DTNA: variants seen among roughly 807,000 people sequenced by gnomAD.
DTNA encodes dystrobrevin alpha, also known as dystrophin-related protein 3.
DTNA carries 43 observed loss-of-function variants against 100.7 expected under a neutral mutation model. The ratio of observed to expected loss-of-function variants is 0.43; its 90% confidence interval spans 0.33 to 0.55. The LOEUF is 0.55. Among genes scored for constraint, DTNA ranks in the 20% least tolerant of loss-of-function variants. The pLI is 0.04. For missense variants in DTNA, 798 were observed against 953.9 expected (o/e 0.84, Z 2.15); for synonymous variants, 349 against 347.9 (o/e 1.00, Z -0.04).
intron 1 of DTNA, among the ~76,000 whole-genome samples, chr18:34,652,428 C>T (rs1036742671): frequency 2.0e-5 from 3 of 152,150 alleles, no homozygotes; most frequent in African/African-American, 7.2e-5. Context: ...CATACCCCAC[C>T]CACTGTTCCT....
chr18:34,719,545 A>G (rs1215182849), intron 1 of DTNA, among the ~76,000 whole-genome samples: 1 of 152,050 alleles, frequency 6.6e-6, no homozygotes, highest in Admixed American at 6.6e-5. Flanking sequence ...CATCCTGCCT[A>G]CTCTTAATCT....
At chr18:34,523,909 T>C (rs376622571) in intron 1 of DTNA, among the ~76,000 whole-genome samples, 2 of 152,322 alleles carry the variant, frequency 1.3e-5, no homozygotes, top group East Asian at 3.9e-4. Flanking sequence ...GAAACTCTTA[T>C]GTTTCAAGTG....
chr18:34,662,256 A>G (rs917601312), intron 1 of DTNA, among the ~76,000 whole-genome samples: 2 of 152,062 alleles, frequency 1.3e-5, no homozygotes, highest in Non-Finnish European at 2.9e-5. Flanking sequence ...AAAAATATTC[A>G]TAAGAGTAAA....
At chr18:34,863,212 C>T (rs917254116) in intron 16 of DTNA, among the ~76,000 whole-genome samples, 27 of 152,070 alleles carry the variant, frequency 1.8e-4, no homozygotes, top group African/African-American at 6.5e-4. Context: ...CATTTCTTTC[C>T]CCCTTTAAAG....
chr18:34,574,353 A>T (rs977262150), intron 1 of DTNA: 2 of 153,254 alleles, frequency 1.3e-5, no homozygotes, highest in Non-Finnish European at 2.9e-5. Context: ...GAGTTTCTCC[A>T]GTGCCTCCAG....
intron 1 of DTNA, among the ~76,000 whole-genome samples, chr18:34,664,713 G>A (rs2075663415): frequency 6.6e-6 from 1 of 152,044 alleles, no homozygotes; most frequent in African/African-American, 2.4e-5. Flanking sequence ...AATAGCTTTA[G>A]CTTTCCATTA....
intron 1 of DTNA, among the ~76,000 whole-genome samples, chr18:34,735,072 A>T (rs995109816): frequency 1.3e-5 from 2 of 152,184 alleles, no homozygotes; most frequent in Non-Finnish European, 2.9e-5. Context: ...ACACATATAT[A>T]TATACACACA....
chr18:34,774,685 ACTT>A (rs752577238), intron 3 of DTNA, among the ~76,000 whole-genome samples: 2 of 152,188 alleles, frequency 1.3e-5, no homozygotes, highest in African/African-American at 2.4e-5. Context: ...ATTTTAGTGT[ACTT>A]CTTCAGCAAT....
At chr18:34,802,819 A>G (rs893781930) in intron 4 of DTNA, among the ~76,000 whole-genome samples, 1 of 152,192 alleles carries the variant, frequency 6.6e-6, no homozygotes, top group African/African-American at 2.4e-5. Flanking sequence ...GGACTTTTTC[A>G]TCACAAATTT....
At chr18:34,822,382 G>A (rs2095746157) in intron 9 of DTNA, 2 of 152,206 alleles carry the variant, frequency 1.3e-5, no homozygotes, top group Admixed American at 1.3e-4. Context: ...GAGCTCTGCC[G>A]AGAGTAATTT....
intron 1 of DTNA, among the ~76,000 whole-genome samples, chr18:34,592,005 A>G (rs1018957642): frequency 1.3e-5 from 2 of 152,148 alleles, no homozygotes; most frequent in African/African-American, 4.8e-5. Flanking sequence ...CAAAAACAGA[A>G]AGCTTGCTTT....
intron 1 of DTNA, among the ~76,000 whole-genome samples, chr18:34,742,153 G>T (rs1207700996): frequency 6.6e-6 from 1 of 152,134 alleles, no homozygotes; most frequent in Non-Finnish European, 1.5e-5. Context: ...TACAAATCCT[G>T]GTTCTCTGGC....
chr18:34,521,239 C>T (rs187682311), intron 1 of DTNA, among the ~76,000 whole-genome samples: 1 of 152,206 alleles, frequency 6.6e-6, no homozygotes, highest in Admixed American at 6.5e-5. Flanking sequence ...TCCCCTGACA[C>T]TTCATAACCA....
At chr18:34,804,367 A>G (rs1044406314) in intron 4 of DTNA, among the ~76,000 whole-genome samples, 1 of 152,156 alleles carries the variant, frequency 6.6e-6, no homozygotes, top group Non-Finnish European at 1.5e-5. Context: ...GCAATGAAAT[A>G]ATATGGTCAA....
At chr18:34,543,177 T>C (rs2044422409) in intron 1 of DTNA, among the ~76,000 whole-genome samples, 1 of 152,036 alleles carries the variant, frequency 6.6e-6, no homozygotes, top group Admixed American at 6.6e-5. Context: ...TCTATGTATT[T>C]ACTTTGCTGC....
intron 8 of DTNA, among the ~76,000 whole-genome samples, chr18:34,820,327 T>A (rs887287661): frequency 6.6e-6 from 1 of 152,136 alleles, no homozygotes; most frequent in African/African-American, 2.4e-5. Flanking sequence ...TAGAATCAGG[T>A]CTGATGCTGT....
At chr18:34,517,142 A>G (rs1272996690) in intron 1 of DTNA, among the ~76,000 whole-genome samples, 1 of 152,086 alleles carries the variant, frequency 6.6e-6, no homozygotes, top group African/African-American at 2.4e-5. Context: ...TTCCCACAAC[A>G]CTCAGCCATC....
At chr18:34,664,231 C>T (rs539931095) in intron 1 of DTNA, among the ~76,000 whole-genome samples, 1 of 152,132 alleles carries the variant, frequency 6.6e-6, no homozygotes, top group Non-Finnish European at 1.5e-5. Flanking sequence ...GGCTATCTTC[C>T]ATTAAGCCAG....
At chr18:34,599,516 T>G (rs1329610628) in intron 1 of DTNA, among the ~76,000 whole-genome samples, 1 of 152,238 alleles carries the variant, frequency 6.6e-6, no homozygotes, top group Non-Finnish European at 1.5e-5. Flanking sequence ...GATATCATGT[T>G]AAAACAATGA....
Sources: gnomAD v4.1 joint callset for allele counts (sites outside exome capture counted in the v4.1 genomes callset) on GRCh38, gnomAD v4.1.1 for gene constraint, MANE v1.5 for transcripts, NCBI Gene and HGNC (gene_info 2026-07-23, HGNC 2026-07-21) for gene names.